The following PEAK1 variants were observed in gnomAD, a reference collection of about 807,000 sequenced individuals.
PEAK1 encodes the protein inactive tyrosine-protein kinase PEAK1.
In PEAK1, 54 loss-of-function variants were observed where a neutral mutation model predicts 124.7. The ratio of observed to expected loss-of-function variants is 0.43; its 90% CI spans 0.35 to 0.54. The LOEUF (loss-of-function observed/expected upper bound fraction) is 0.54. PEAK1 is among the 20% of genes least tolerant of loss of function. The probability of loss-of-function intolerance (pLI) is 0.01; values close to 1 mark genes in which losing one functional copy is unlikely to be tolerated. For missense variants in PEAK1, 2,046 were observed against 2,134.5 expected (o/e 0.96, Z 0.82); for synonymous variants, 719 against 760.0 (o/e 0.95, Z 0.89).
chr15:77,325,710 A>G (rs1743916112), intron 2 of PEAK1, among the ~76,000 whole-genome samples: 2 of 152,126 alleles, frequency 1.3e-5, no homozygotes, highest in South Asian at 4.1e-4. Context: ...TTAATAATAT[A>G]CAAACCAAAT....
chr15:77,302,763 ACCT>A (rs1289977762), intron 2 of PEAK1, among the ~76,000 whole-genome samples: 1 of 152,118 alleles, frequency 6.6e-6, no homozygotes, highest in East Asian at 1.9e-4. Context: ...GGAAACTCTG[ACCT>A]CCTAAATAAG....
At chr15:77,261,015 C>T (rs891457656) in intron 5 of PEAK1, among the ~76,000 whole-genome samples, 7 of 152,338 alleles carry the variant, frequency 4.6e-5, no homozygotes, top group South Asian at 4.1e-4. Context: ...CAAACAGCAT[C>T]TGGAGAGGAC....
chr15:77,356,007 G>C (rs1236452413), intron 2 of PEAK1: 1 of 916,940 alleles, frequency 1.1e-6, no homozygotes, highest in African/African-American at 1.8e-5. Context: ...AACTACTAAA[G>C]TTCTATTTTG....
chr15:77,233,486 G>A (rs2059991498), intron 6 of PEAK1, among the ~76,000 whole-genome samples: 1 of 152,078 alleles, frequency 6.6e-6, no homozygotes, highest in Non-Finnish European at 1.5e-5. Flanking sequence ...TCATTGTCCA[G>A]TTCCATCTTA....
intron 1 of PEAK1, among the ~76,000 whole-genome samples, chr15:77,407,276 T>G (rs1175705971): frequency 2.0e-5 from 3 of 152,042 alleles, no homozygotes; most frequent in Admixed American, 1.3e-4. Context: ...AGGCGGAACT[T>G]AAATAAACTA....
At chr15:77,402,092 T>C (rs1248785064) in intron 1 of PEAK1, 23 of 844,630 alleles carry the variant, frequency 2.7e-5, no homozygotes, top group East Asian at 2.6e-4. Context: ...CCAGCTACTA[T>C]GGTGGCTGAG....
intron 1 of PEAK1, chr15:77,402,665 G>A: frequency 3.0e-6 from 3 of 985,314 alleles, no homozygotes; most frequent in Non-Finnish European, 3.6e-6. Context: ...CTCCCATAGT[G>A]TATCGTTTAG....
At chr15:77,176,180 C>A (rs2056855750) in intron 7 of PEAK1, among the ~76,000 whole-genome samples, 1 of 147,754 alleles carries the variant, frequency 6.8e-6, no homozygotes, top group African/African-American at 2.5e-5. Flanking sequence ...TGCAGCACAC[C>A]AGCATGGCAC....
At chr15:77,228,182 T>C (rs1013426114) in intron 6 of PEAK1, among the ~76,000 whole-genome samples, 4 of 152,110 alleles carry the variant, frequency 2.6e-5, no homozygotes, top group Non-Finnish European at 4.4e-5. Context: ...TTGTTACATA[T>C]GTTTACATGT....
intron 2 of PEAK1, chr15:77,352,159 TCAC>T (rs1481462708): frequency 2.1e-6 from 2 of 948,562 alleles, no homozygotes; most frequent in East Asian, 1.2e-4. Context: ...TGAATTATGA[TCAC>T]CACTGCACTG....
chr15:77,276,090 G>C (rs1294013818), intron 5 of PEAK1, among the ~76,000 whole-genome samples: 1 of 152,024 alleles, frequency 6.6e-6, no homozygotes, highest in Admixed American at 6.6e-5. Flanking sequence ...AAAACAAACA[G>C]AACTTTGGTG....
intron 5 of PEAK1, among the ~76,000 whole-genome samples, chr15:77,264,936 T>C (rs2061638797): frequency 6.6e-6 from 1 of 152,102 alleles, no homozygotes; most frequent in Non-Finnish European, 1.5e-5. Flanking sequence ...AACAGAGCCC[T>C]CAGAAATAAC....
chr15:77,340,970 A>G (rs1306431139), intron 2 of PEAK1, among the ~76,000 whole-genome samples: 2 of 147,332 alleles, frequency 1.4e-5, no homozygotes, highest in Non-Finnish European at 3.0e-5. Context: ...TTTTTTTTTT[A>G]ATACAGGGTC....
At position 77,303,901 on chromosome 15, in the gene PEAK1, T is replaced by C. The variant is rs1277537962; in HGVS notation, c.-602-17397A>G. Among the ~76,000 whole-genome samples, 5 of 152,220 alleles carry C rather than the reference T, an allele frequency of 3.3e-5. No individual in the cohort carries two copies. The East Asian group carries it at 9.6e-4, about 29-fold the overall frequency. On this transcript the variant is annotated intron_variant, in intron 2 of 9. Coordinates refer to ENST00000682557, the MANE Select transcript of PEAK1 (RefSeq NM_001385026.1). ...TTTGAGTTAATTATTGCATAAATTA[T>C]AAGGTCTGTGTCTAGGTTCAGTTTT... is the stretch of plus-strand genomic sequence containing the variant.
intron 4 of PEAK1, among the ~76,000 whole-genome samples, chr15:77,284,710 A>G (rs1316653193): frequency 6.6e-6 from 1 of 152,162 alleles, no homozygotes; most frequent in Non-Finnish European, 1.5e-5. Context: ...TAGCAAAAGG[A>G]GCTCAGACTA....
At chr15:77,370,219 T>A (rs1291350879) in intron 1 of PEAK1, among the ~76,000 whole-genome samples, 1 of 152,206 alleles carries the variant, frequency 6.6e-6, no homozygotes. Context: ...GGACATGACT[T>A]CCTTTCTCCA....
chr15:77,349,753 A>G (rs2067094575), intron 2 of PEAK1: 1 of 985,226 alleles, frequency 1.0e-6, no homozygotes, highest in African/African-American at 1.7e-5. Flanking sequence ...ACTTAAGTTG[A>G]GATGATTCAC....
chr15:77,398,737 C>A (rs1189284962), intron 1 of PEAK1, among the ~76,000 whole-genome samples: 1 of 151,990 alleles, frequency 6.6e-6, no homozygotes, highest in East Asian at 1.9e-4. Context: ...CACTGTTATT[C>A]AAAATAATAC....
chr15:77,418,174 A>G, intron 1 of PEAK1: 1 of 985,218 alleles, frequency 1.0e-6, no homozygotes, highest in African/African-American at 1.7e-5. Context: ...TAGTTGAGGT[A>G]TCATAATAGT....
Sources: allele counts gnomAD v4.1 joint callset (sites outside exome capture counted in the v4.1 genomes callset), GRCh38; gene constraint gnomAD v4.1.1; transcripts MANE v1.5; gene names NCBI Gene and HGNC (gene_info 2026-07-23, HGNC 2026-07-21).